ERI3: variants seen among roughly 807,000 people sequenced by gnomAD.
ERI3 encodes the protein ERI1 exoribonuclease 3.
In ERI3, 18 loss-of-function variants were observed where a neutral mutation model predicts 44.4. The ratio of observed to expected loss-of-function variants is 0.41; its 90% CI spans 0.28 to 0.60. The LOEUF (loss-of-function observed/expected upper bound fraction) is 0.60. ERI3 is among the 20% of genes least tolerant of loss of function. ERI3 has a pLI of 0.36. For synonymous variants in ERI3, 183 were observed against 164.8 expected (o/e 1.11, Z -0.84); for missense variants, 294 against 435.5 (o/e 0.68, Z 2.89).
chr1:44,275,408 A>G (rs1645162851), intron 7 of ERI3, among the ~76,000 whole-genome samples: 2 of 152,184 alleles, frequency 1.3e-5, no homozygotes, highest in South Asian at 4.1e-4. Flanking sequence ...TATGGCCCCC[A>G]GCAAAGAACT....
At chr1:44,273,077 C>G (rs1202720850) in intron 7 of ERI3, among the ~76,000 whole-genome samples, 1 of 152,116 alleles carries the variant, frequency 6.6e-6, no homozygotes, top group South Asian at 2.1e-4. Context: ...CAAAACCACA[C>G]TTAGGTACCT....
chr1:44,236,268 C>A (rs185957102), intron 8 of ERI3, among the ~76,000 whole-genome samples: 33 of 152,226 alleles, frequency 2.2e-4, no homozygotes, highest in Admixed American at 6.5e-5. Context: ...TCTGCCTATA[C>A]GTGTCAGACA....
In ERI3 at chr1:44,294,544, C is replaced by T. The variant is rs74767619; in HGVS notation, c.759-9637G>A. On this transcript the variant is annotated intron_variant, in intron 6 of 8. Transcript: ENST00000372257. ...GGAAATAATAAGACAAGTGCCTCTC[C>T]GGTGTCCTTTCCATGGCAACTCATC... Among the ~76,000 whole-genome samples, 1,289 of 152,324 alleles carry T rather than the reference C, an allele frequency of 8.5e-3. 18 individuals are homozygous for T. Among genetic ancestry groups the T allele is most frequent in the African/African-American group, 0.029 (1,194 of 41,562 alleles).
chr1:44,342,820 T>TATATATATATATATAA (rs1646685208), intron 2 of ERI3, among the ~76,000 whole-genome samples: 2 of 11,430 alleles, frequency 1.7e-4, no homozygotes, highest in Non-Finnish European at 3.5e-4. Flanking sequence ...CTAATATATA[T>TATATATATATATATAA]ATATATATAT....
chr1:44,227,847 T>G (rs1374051112), intron 8 of ERI3, among the ~76,000 whole-genome samples: 1 of 152,156 alleles, frequency 6.6e-6, no homozygotes, highest in East Asian at 1.9e-4. Context: ...TTAACTTATC[T>G]TTGTTTTGGT....
At chr1:44,269,455 C>T (rs938407533) in intron 7 of ERI3, among the ~76,000 whole-genome samples, 1 of 152,238 alleles carries the variant, frequency 6.6e-6, no homozygotes, top group Non-Finnish European at 1.5e-5. Flanking sequence ...CATTCACCCA[C>T]ATTCCCATTT....
chr1:44,325,547 C>G (rs1216385780), intron 3 of ERI3, among the ~76,000 whole-genome samples: 1 of 152,182 alleles, frequency 6.6e-6, no homozygotes, highest in Non-Finnish European at 1.5e-5. Flanking sequence ...ACTGAAGTGT[C>G]TGCAGAAATA....
chr1:44,352,451 T>C (rs905181608), intron 2 of ERI3, among the ~76,000 whole-genome samples: 1 of 151,722 alleles, frequency 6.6e-6, no homozygotes, highest in Non-Finnish European at 1.5e-5. Context: ...GATAGATAGA[T>C]AGATAGATAG....
At chr1:44,275,743 C>A (rs1270612109) in intron 7 of ERI3, among the ~76,000 whole-genome samples, 1 of 152,098 alleles carries the variant, frequency 6.6e-6, no homozygotes, top group Non-Finnish European at 1.5e-5. Context: ...CTGTTAAATT[C>A]TAGGTGGCCC....
intron 7 of ERI3, among the ~76,000 whole-genome samples, chr1:44,281,650 T>C (rs903201950): frequency 3.4e-5 from 5 of 148,020 alleles, no homozygotes; most frequent in Admixed American, 6.8e-5. Flanking sequence ...GATGAAGAGA[T>C]ATATATATGT....
chr1:44,261,405 C>A (rs910968578), intron 7 of ERI3, among the ~76,000 whole-genome samples: 2 of 152,248 alleles, frequency 1.3e-5, no homozygotes, highest in Non-Finnish European at 2.9e-5. Context: ...TACCACTAAT[C>A]CTGCCTTCAT....
At chr1:44,238,637 G>A (rs867803436) in intron 8 of ERI3, among the ~76,000 whole-genome samples, 3 of 152,072 alleles carry the variant, frequency 2.0e-5, no homozygotes, top group South Asian at 2.1e-4. Context: ...CAAGAGTGAC[G>A]GGGAGGCAGG....
intron 5 of ERI3, among the ~76,000 whole-genome samples, 167 bp from the exon 6 acceptor site, chr1:44,308,568 C>T (rs1004745564): frequency 1.3e-5 from 2 of 152,180 alleles, no homozygotes; most frequent in African/African-American, 2.4e-5. Context: ...CTCAGAACCA[C>T]GGAGGCATTT....
chr1:44,227,734 GGACT>G (rs1193850949), intron 8 of ERI3, among the ~76,000 whole-genome samples: 4 of 152,088 alleles, frequency 2.6e-5, no homozygotes, highest in Non-Finnish European at 4.4e-5. Flanking sequence ...AGTGAGTTTA[GGACT>G]GACACAGCAG....
intron 7 of ERI3, among the ~76,000 whole-genome samples, chr1:44,250,148 A>G (rs910312257): frequency 2.0e-5 from 3 of 152,214 alleles, no homozygotes; most frequent in African/African-American, 7.2e-5. Context: ...CTGACACTCA[A>G]TTCAATTCGA....
At chr1:44,300,089 T>C (rs964983545) in intron 6 of ERI3, among the ~76,000 whole-genome samples, 27 of 152,170 alleles carry the variant, frequency 1.8e-4, no homozygotes, top group African/African-American at 6.5e-4. Context: ...GAGCCTCATA[T>C]CAAATCCAGG....
chr1:44,313,722 C>T (rs569142145), intron 4 of ERI3, among the ~76,000 whole-genome samples: 3 of 152,200 alleles, frequency 2.0e-5, no homozygotes, highest in African/African-American at 7.2e-5. Context: ...AGCACTGCCC[C>T]CTCCCACACT....
chr1:44,300,627 C>G (rs1047546767), intron 6 of ERI3, among the ~76,000 whole-genome samples: 17 of 152,166 alleles, frequency 1.1e-4, no homozygotes, highest in Non-Finnish European at 4.4e-5. Flanking sequence ...GCTTTGGCTC[C>G]ACAGAAACCT....
chr1:44,354,855 G>A, intron 1 of ERI3, 37 bp downstream of exon 1: 1 of 1,314,624 alleles, frequency 7.6e-7, no homozygotes, highest in South Asian at 3.1e-5. Flanking sequence ...GCATTAACCA[G>A]GGCCCAATCT....
Sources: allele counts gnomAD v4.1 joint callset (sites outside exome capture counted in the v4.1 genomes callset), GRCh38; gene constraint gnomAD v4.1.1; transcripts MANE v1.5; gene names NCBI Gene and HGNC (gene_info 2026-07-23, HGNC 2026-07-21).